The following ADCY2 variants were observed in gnomAD, a reference collection of about 807,000 sequenced individuals.
ADCY2 encodes adenylate cyclase 2, also known as adenylate cyclase type 2.
A neutral mutation model predicts 125.2 loss-of-function variants in ADCY2; 31 were observed. That is an observed-to-expected ratio of 0.25 (90% CI 0.19 to 0.33). The LOEUF (loss-of-function observed/expected upper bound fraction) is 0.33. ADCY2 is among the 10% of genes least tolerant of loss of function. The probability of loss-of-function intolerance (pLI) is 1.00; values close to 1 mark genes in which losing one functional copy is unlikely to be tolerated. For missense variants in ADCY2, 904 were observed against 1,418.2 expected (o/e 0.64, Z 5.82); for synonymous variants, 512 against 548.4 (o/e 0.93, Z 0.93).
chr5:7,568,315 G>A (rs1489152637), intron 3 of ADCY2, among the ~76,000 whole-genome samples: 3 of 152,066 alleles, frequency 2.0e-5, no homozygotes, highest in East Asian at 1.9e-4. Context: ...GTCTTGATAC[G>A]GTTTAATCAG....
intron 3 of ADCY2, among the ~76,000 whole-genome samples, chr5:7,601,084 C>A (rs1284661406): frequency 6.6e-6 from 1 of 152,068 alleles, no homozygotes; most frequent in African/African-American, 2.4e-5. Flanking sequence ...AGTCTCAAAG[C>A]CTTCAGTGGA....
At chr5:7,504,136 C>T (rs956861769) in intron 2 of ADCY2, among the ~76,000 whole-genome samples, 7 of 152,166 alleles carry the variant, frequency 4.6e-5, no homozygotes, top group Admixed American at 2.0e-4. Context: ...TAATATCAGC[C>T]GAAGGCATTC....
At chr5:7,536,721 A>C (rs1302509260) in intron 3 of ADCY2, among the ~76,000 whole-genome samples, 1 of 152,006 alleles carries the variant, frequency 6.6e-6, no homozygotes, top group East Asian at 1.9e-4. Flanking sequence ...TCAGCGAACT[A>C]TCACAGAAAA....
intron 4 of ADCY2, among the ~76,000 whole-genome samples, chr5:7,674,729 C>A (rs376218313): frequency 1.3e-5 from 2 of 152,158 alleles, no homozygotes; most frequent in East Asian, 3.9e-4. Flanking sequence ...TCAAGCACAC[C>A]TCCATCTTAT....
intron 2 of ADCY2, among the ~76,000 whole-genome samples, chr5:7,493,231 A>T (rs1301973215): frequency 6.6e-6 from 1 of 152,178 alleles, no homozygotes; most frequent in Non-Finnish European, 1.5e-5. Flanking sequence ...AGTGAAGAGA[A>T]AGCCTGGGTC....
At chr5:7,620,547 C>A (rs1470094194) in intron 3 of ADCY2, among the ~76,000 whole-genome samples, 1 of 152,162 alleles carries the variant, frequency 6.6e-6, no homozygotes, top group African/African-American at 2.4e-5. Context: ...ACCCTGAGGC[C>A]ACCGCACATA....
chr5:7,434,438 A>G (rs2126383650), intron 2 of ADCY2, among the ~76,000 whole-genome samples: 1 of 152,346 alleles, frequency 6.6e-6, no homozygotes, highest in South Asian at 2.1e-4. Context: ...TGTGTGCTGC[A>G]TTCACTGACT....
chr5:7,558,433 T>C (rs1367554874), intron 3 of ADCY2, among the ~76,000 whole-genome samples: 2 of 152,196 alleles, frequency 1.3e-5, no homozygotes, highest in African/African-American at 4.8e-5. Flanking sequence ...TTCTCTAATA[T>C]CAGTGATGTT....
At chr5:7,514,505 C>T (rs761456811) in intron 2 of ADCY2, among the ~76,000 whole-genome samples, 4 of 152,122 alleles carry the variant, frequency 2.6e-5, no homozygotes, top group African/African-American at 4.8e-5. Flanking sequence ...GAGATCTAAA[C>T]CCTGGTTTGC....
chr5:7,403,306 G>A, intron 1 of ADCY2, among the ~76,000 whole-genome samples: 1 of 152,130 alleles, frequency 6.6e-6, no homozygotes, highest in East Asian at 1.9e-4. Context: ...ATTAAATACG[G>A]AGATCAGGTT....
chr5:7,733,523 A>C (rs1742166345), intron 14 of ADCY2, among the ~76,000 whole-genome samples: 1 of 152,212 alleles, frequency 6.6e-6, no homozygotes, highest in Admixed American at 6.5e-5. Flanking sequence ...TCAAGGGCTC[A>C]GTTCTGGACA....
At chr5:7,503,547 C>T (rs1374142165) in intron 2 of ADCY2, among the ~76,000 whole-genome samples, 1 of 152,162 alleles carries the variant, frequency 6.6e-6, no homozygotes, top group African/African-American at 2.4e-5. Flanking sequence ...CTGCCAGACT[C>T]CCAGGTTTTG....
At chr5:7,747,221 C>T (rs556008987) in intron 15 of ADCY2, among the ~76,000 whole-genome samples, 53 of 152,296 alleles carry the variant, frequency 3.5e-4, no homozygotes, top group African/African-American at 1.2e-3. Context: ...GCCCAGCCAC[C>T]GGGCACCTTC....
chr5:7,784,349 G>A lies in ADCY2; in HGVS notation c.2385-16G>A, dbSNP rs148813158. ...TTGTTGCATTGTTGTCTGTTTGTCT[G>A]TCTGTTTTTTAATAGACCAGGCATT... On this transcript the variant is annotated splice_polypyrimidine_tract_variant and intron_variant, in intron 18 of 24. Coordinates refer to ENST00000338316, the MANE Select transcript of ADCY2 (RefSeq NM_020546.3). 3.6e-4 allele frequency: 577 copies of A among 1,597,608 alleles called. No individual in the cohort carries two copies. In the African/African-American group the frequency reaches 6.6e-3, roughly 18 times the overall value.
At chr5:7,662,708 T>A (rs1739573951) in intron 4 of ADCY2, among the ~76,000 whole-genome samples, 1 of 152,198 alleles carries the variant, frequency 6.6e-6, no homozygotes, top group African/African-American at 2.4e-5. Context: ...ATCCTTAGCC[T>A]CACTTACCTG....
At chr5:7,754,163 C>G (rs553559668) in intron 15 of ADCY2, among the ~76,000 whole-genome samples, 7 of 152,272 alleles carry the variant, frequency 4.6e-5, no homozygotes, top group African/African-American at 1.7e-4. Flanking sequence ...GAAAAAAATT[C>G]CTGCATATCT....
chr5:7,807,744 TTTC>T (rs1744798866), intron 22 of ADCY2, among the ~76,000 whole-genome samples: 1 of 152,082 alleles, frequency 6.6e-6, no homozygotes, highest in Non-Finnish European at 1.5e-5. Context: ...CTACTGCCAT[TTTC>T]TTCTTGTCCT....
chr5:7,565,775 A>G (rs564623505), intron 3 of ADCY2, among the ~76,000 whole-genome samples: 2 of 152,346 alleles, frequency 1.3e-5, no homozygotes, highest in South Asian at 4.1e-4. Context: ...GGGGATGGCC[A>G]TATGCTGTCT....
intron 2 of ADCY2, among the ~76,000 whole-genome samples, chr5:7,498,406 A>G (rs188806514): frequency 0.048 from 7,278 of 151,478 alleles, 603 homozygotes; most frequent in African/African-American, 0.17. Context: ...CCCCCACCGC[A>G]CCTGGCTAAT....
Sources: allele counts gnomAD v4.1 joint callset (sites outside exome capture counted in the v4.1 genomes callset), GRCh38; gene constraint gnomAD v4.1.1; transcripts MANE v1.5; gene names NCBI Gene and HGNC (gene_info 2026-07-23, HGNC 2026-07-21).